MALRD1: variants seen among roughly 807,000 people sequenced by gnomAD.
MALRD1 encodes MAM and LDL-receptor class A domain-containing protein 1.
Under a neutral mutation model 242.1 loss-of-function variants are expected in MALRD1, and 247 were observed. The observed-to-expected ratio is 1.02, with a 90% CI of 0.92 to 1.13. MALRD1 has a LOEUF of 1.13. Ranked by LOEUF, MALRD1 falls within the 50% of genes most tolerant of loss-of-function variation. The pLI, the probability that MALRD1 is intolerant of heterozygous loss-of-function variation, is 0.00. For missense variants in MALRD1, 2,989 were observed against 2,533.1 expected (o/e 1.18, Z -3.86); for synonymous variants, 995 against 866.6 (o/e 1.15, Z -2.60).
intron 38 of MALRD1, among the ~76,000 whole-genome samples, chr10:19,714,065 G>T (rs904228466): frequency 2.0e-5 from 3 of 152,150 alleles, no homozygotes; most frequent in Non-Finnish European, 4.4e-5. Context: ...GTTATAGTGT[G>T]CTCTTTCAGT....
chr10:19,612,831 A>G (rs1437556919), intron 35 of MALRD1, among the ~76,000 whole-genome samples: 1 of 151,842 alleles, frequency 6.6e-6, no homozygotes, highest in African/African-American at 2.4e-5. Context: ...CACTAGGGGG[A>G]TGGTGGTGAC....
chr10:19,284,095 G>A (rs534927492), intron 21 of MALRD1, among the ~76,000 whole-genome samples: 1 of 152,316 alleles, frequency 6.6e-6, no homozygotes, highest in South Asian at 2.1e-4. Flanking sequence ...GACCAGCATG[G>A]CTGGGGTGGG....
At chr10:19,541,245 A>G (rs1589219948) in intron 32 of MALRD1, among the ~76,000 whole-genome samples, 1 of 152,194 alleles carries the variant, frequency 6.6e-6, no homozygotes, top group Admixed American at 6.5e-5. Context: ...AGTGGTGTTA[A>G]ACTGCTTATC....
In MALRD1 at chr10:19,425,706, A is replaced by C. The variant is rs1432837347; in HGVS notation, c.4846-24601A>C. 2.0e-5 allele frequency among the ~76,000 whole-genome samples: 3 copies of C among 152,168 alleles called. No homozygotes were observed. The South Asian group carries it at 6.2e-4, about 32-fold the overall frequency. On this transcript the variant is annotated intron_variant, in intron 28 of 39. Transcript: ENST00000454679. The stretch of plus-strand genomic sequence containing the variant: ...AAACCGGAGAGGGAAGTAAGAGGGA[A>C]AAGAATTCCAGCCCGCGTTTGACTC...
chr10:19,197,231 C>T (rs935970844), intron 14 of MALRD1, among the ~76,000 whole-genome samples: 3 of 152,150 alleles, frequency 2.0e-5, no homozygotes, highest in African/African-American at 7.2e-5. Flanking sequence ...AGGTCCCTCC[C>T]TCAACACGTG....
At chr10:19,135,611 T>C (rs954342140) in intron 9 of MALRD1, among the ~76,000 whole-genome samples, 2 of 152,230 alleles carry the variant, frequency 1.3e-5, no homozygotes, top group African/African-American at 2.4e-5. Flanking sequence ...TTATATCTGA[T>C]GTCCAGTATG....
At chr10:19,114,387 G>T (rs1327470213) in intron 5 of MALRD1, among the ~76,000 whole-genome samples, 8 of 152,138 alleles carry the variant, frequency 5.3e-5, no homozygotes, top group Non-Finnish European at 1.0e-4. Context: ...TTATAGAAAT[G>T]ATTGTTTAGG....
chr10:19,523,180 G>C (rs903027992), intron 31 of MALRD1, among the ~76,000 whole-genome samples: 1 of 152,070 alleles, frequency 6.6e-6, no homozygotes, highest in Non-Finnish European at 1.5e-5. Context: ...GTTGCCCAAG[G>C]TCACATACCT....
At chr10:19,538,480 G>A (rs1043084341) in intron 32 of MALRD1, among the ~76,000 whole-genome samples, 1 of 152,098 alleles carries the variant, frequency 6.6e-6, no homozygotes, top group African/African-American at 2.4e-5. Context: ...TCTTTAAAAT[G>A]ATGGTGGTCA....
chr10:19,165,265 A>ATATATATATATTTTTTTT, intron 12 of MALRD1, among the ~76,000 whole-genome samples: 3 of 130,308 alleles, frequency 2.3e-5, no homozygotes, highest in African/African-American at 6.5e-5. Flanking sequence ...ATATATATAT[A>ATATATATATATTTTTTTT]TTTTGTTTTG....
chr10:19,171,641 C>CACATATATGTCTATGTGTGTATATAAAT, intron 13 of MALRD1, among the ~76,000 whole-genome samples: 1 of 73,320 alleles, frequency 1.4e-5, no homozygotes, highest in Admixed American at 1.7e-4. Context: ...TATAAATACA[C>CACATATATGTCTATGTGTGTATATAAAT]ACACACATAT....
chr10:19,577,248 T>C (rs532423423), intron 33 of MALRD1, among the ~76,000 whole-genome samples: 1 of 152,284 alleles, frequency 6.6e-6, no homozygotes, highest in East Asian at 1.9e-4. Context: ...CTGATTCACT[T>C]ATTGGATTAT....
At chr10:19,644,871 T>G (rs1840576161) in intron 36 of MALRD1, among the ~76,000 whole-genome samples, 1 of 152,152 alleles carries the variant, frequency 6.6e-6, no homozygotes. Context: ...CTCTTAACCC[T>G]CAAAACTAGA....
chr10:19,081,957 A>G (rs553350076), intron 2 of MALRD1, among the ~76,000 whole-genome samples: 1 of 151,950 alleles, frequency 6.6e-6, no homozygotes, highest in Non-Finnish European at 1.5e-5. Flanking sequence ...CAATATGCCA[A>G]CTTCTTACTT....
At chr10:19,451,056 A>T (rs955721203) in intron 29 of MALRD1, among the ~76,000 whole-genome samples, 2 of 152,200 alleles carry the variant, frequency 1.3e-5, no homozygotes, top group Non-Finnish European at 2.9e-5. Flanking sequence ...TATCTTCTTC[A>T]TCTTTCAGTT....
intron 38 of MALRD1, among the ~76,000 whole-genome samples, chr10:19,723,585 TA>T (rs201827427): frequency 2.6e-5 from 4 of 151,776 alleles, no homozygotes; most frequent in African/African-American, 7.2e-5. Flanking sequence ...TACAAAAAAT[TA>T]AAAAAATTAG....
chr10:19,069,179 T>C (rs1487299176), intron 2 of MALRD1, among the ~76,000 whole-genome samples: 1 of 152,020 alleles, frequency 6.6e-6, no homozygotes, highest in Non-Finnish European at 1.5e-5. Flanking sequence ...ATTTGAAAAA[T>C]ATTTCCCATT....
intron 28 of MALRD1, among the ~76,000 whole-genome samples, chr10:19,446,404 A>G (rs1444340686): frequency 6.6e-6 from 1 of 152,184 alleles, no homozygotes; most frequent in Non-Finnish European, 1.5e-5. Flanking sequence ...ATAGATAAAG[A>G]TGTCAATTGG....
At chr10:19,255,894 G>T (rs1223671491) in intron 18 of MALRD1, among the ~76,000 whole-genome samples, 1 of 151,760 alleles carries the variant, frequency 6.6e-6, no homozygotes, top group African/African-American at 2.4e-5. Context: ...GCCCTCTCTG[G>T]GTTACAGAAT....
Sources: allele counts gnomAD v4.1 joint callset (sites outside exome capture counted in the v4.1 genomes callset), GRCh38; gene constraint gnomAD v4.1.1; transcripts MANE v1.5; gene names NCBI Gene and HGNC (gene_info 2026-07-23, HGNC 2026-07-21).